The following FSHR variants were observed in gnomAD, a reference collection of about 807,000 sequenced individuals.
The protein encoded by FSHR is follicle-stimulating hormone receptor.
Under a neutral mutation model 52.1 loss-of-function variants are expected in FSHR, and 46 were observed. The observed-to-expected ratio is 0.88, with a 90% CI of 0.70 to 1.13. The LOEUF (loss-of-function observed/expected upper bound fraction) is 1.13, where lower values mean the gene tolerates loss of function less well. Among genes scored for constraint, FSHR ranks in the 50% most tolerant of loss-of-function variants. The pLI is 0.00. For synonymous variants in FSHR, 399 were observed against 309.6 expected (o/e 1.29, Z -3.03); for missense variants, 964 against 834.6 (o/e 1.16, Z -1.91).
chr2:49,004,229 C>T (rs1372889815), intron 4 of FSHR, among the ~76,000 whole-genome samples: 4 of 152,180 alleles, frequency 2.6e-5, no homozygotes, highest in Non-Finnish European at 5.9e-5. Context: ...TGGTTGTTCT[C>T]ATTTGTCAGG....
rs554843887 is a variant in FSHR, at chr2:49,075,632, C to CT, written c.153-7343dup. ...AGAACTCTACAATTTTATAACATTA[C>CT]TTTTTTTTTTCTTTTGAGACAGTCT... On this transcript the variant is annotated intron_variant, in intron 1 of 9. Coordinates refer to ENST00000406846, the MANE Select transcript of FSHR (RefSeq NM_000145.4). Among the ~76,000 whole-genome samples, 102 of 149,818 alleles carry CT rather than the reference C, an allele frequency of 6.8e-4. 2 individuals are homozygous for CT. Among genetic ancestry groups the CT allele is most frequent in the South Asian group, 3.0e-3 (14 of 4,724 alleles).
intron 1 of FSHR, among the ~76,000 whole-genome samples, chr2:49,069,680 T>G (rs1669658072): frequency 6.6e-6 from 1 of 152,146 alleles, no homozygotes; most frequent in Non-Finnish European, 1.5e-5. Flanking sequence ...TATTGAGCCC[T>G]CTGAAAATTC....
chr2:49,111,529 C>T (rs2103753659), intron 1 of FSHR, among the ~76,000 whole-genome samples: 1 of 152,210 alleles, frequency 6.6e-6, no homozygotes, highest in African/African-American at 2.4e-5. Flanking sequence ...GTGATTTGTT[C>T]CTCTGTTCAG....
intron 1 of FSHR, among the ~76,000 whole-genome samples, chr2:49,073,858 A>G (rs914298746): frequency 4.6e-5 from 7 of 152,104 alleles, no homozygotes; most frequent in African/African-American, 1.7e-4. Flanking sequence ...CCAGAAGAAC[A>G]GACTAGAGAA....
intron 5 of FSHR, 144 bp from the exon 6 acceptor site, chr2:48,989,198 C>A: frequency 3.2e-6 from 2 of 622,686 alleles, no homozygotes; most frequent in Admixed American, 2.6e-5. Flanking sequence ...ATGATCAGCT[C>A]AAAGTTTGGA....
rs567594767 is a variant in FSHR, at chr2:48,997,169, GT to G, written c.375-6533del. ...TCTAGCTTCTGGATAACACCAAACAGTTCACTTACCTTTTCAGAGTCTCAGT... is the reference window on the plus strand; with the variant it reads ...TCTAGCTTCTGGATAACACCAAACAGTCACTTACCTTTTCAGAGTCTCAGT... On this transcript the variant is annotated intron_variant, in intron 4 of 9. Coordinates refer to ENST00000406846, the MANE Select transcript of FSHR (RefSeq NM_000145.4). 342 of 954,040 alleles carry G rather than the reference GT, an allele frequency of 3.6e-4. 1 individual carries two copies. The African/African-American group carries it at 5.6e-3, about 16-fold the overall frequency. 59.1% of individuals were successfully genotyped at this position (954,040 alleles called of 1,614,324 possible). A position where few individuals can be genotyped will look rare whatever the true frequency, so the allele number is the denominator to read the frequency against.
At chr2:49,130,595 A>G (rs1222103286) in intron 1 of FSHR, among the ~76,000 whole-genome samples, 1 of 152,224 alleles carries the variant, frequency 6.6e-6, no homozygotes, top group Non-Finnish European at 1.5e-5. Flanking sequence ...GAGGTTTAAG[A>G]CATGCATAAC....
chr2:49,046,445 G>A (rs570689895), intron 2 of FSHR, among the ~76,000 whole-genome samples: 2 of 152,192 alleles, frequency 1.3e-5, no homozygotes, highest in African/African-American at 4.8e-5. Flanking sequence ...TGTGCTGATG[G>A]GCAAGTCACA....
At chr2:49,070,500 GATA>G (rs1669689705) in intron 1 of FSHR, among the ~76,000 whole-genome samples, 1 of 151,998 alleles carries the variant, frequency 6.6e-6, no homozygotes, top group African/African-American at 2.4e-5. Context: ...AATAAATGAA[GATA>G]ATAAAATTGT....
Position 48,964,974 on chromosome 2 carries a change from G to A in FSHR, c.855-1008C>T, listed in dbSNP as rs150387136. 1.2e-3 allele frequency among the ~76,000 whole-genome samples: 171 copies of A among 145,330 alleles called. 1 individual carries two copies. The highest frequency in any genetic ancestry group is 4.2e-3 in the African/African-American group (163 of 38,730). On this transcript the variant is annotated intron_variant, in intron 9 of 9. Transcript: ENST00000406846. ...CTTGTGGAATGGGAATAAGCCTTAC[G>A]TTAGGACCTTTTTGGATGCAAAAAA...
At chr2:49,026,383 C>T (rs935216308) in intron 2 of FSHR, among the ~76,000 whole-genome samples, 4 of 152,156 alleles carry the variant, frequency 2.6e-5, no homozygotes, top group Admixed American at 2.6e-4. Context: ...ACTTACGTGT[C>T]AGGCAACTTT....
intron 8 of FSHR, among the ~76,000 whole-genome samples, chr2:48,973,281 A>C (rs35292210): frequency 0.7 from 97,019 of 137,730 alleles, 31,690 homozygotes; most frequent in East Asian, 0.82. Context: ...TGCACATGCA[A>C]ATGCACATGC....
intron 1 of FSHR, among the ~76,000 whole-genome samples, chr2:49,103,403 A>C (rs1671104850): frequency 6.6e-6 from 1 of 152,216 alleles, no homozygotes; most frequent in Admixed American, 6.5e-5. Flanking sequence ...ATTTAGAAAC[A>C]AACGTAAGGC....
chr2:49,063,714 A>G (rs989995919), intron 2 of FSHR, among the ~76,000 whole-genome samples: 9 of 152,134 alleles, frequency 5.9e-5, no homozygotes, highest in Non-Finnish European at 1.3e-4. Context: ...TAATAGATAT[A>G]AAAGTACAGC....
Position 48,963,346 on chromosome 2 carries a change from A to G in FSHR, c.1475T>C (p.Met492Thr), listed in dbSNP as rs150549219. 1 of 1,614,080 alleles carries G rather than the reference A, an allele frequency of 6.2e-7. No homozygotes were observed. Among genetic ancestry groups the G allele is most frequent in the Non-Finnish European group, 8.5e-7 (1 of 1,179,972 alleles). ...AGCTGCAAAAGCAAAAATCCAGCCCATCACCATGACACTGGCAGCATGGCG... is the reference window on the plus strand; with the variant it reads ...AGCTGCAAAAGCAAAAATCCAGCCCGTCACCATGACACTGGCAGCATGGCG... Reference protein sequence around the residue: ...QLRHAASVMVMGWIFAFAAAL... With the variant: ...QLRHAASVMVTGWIFAFAAAL... The change falls in exon 10 of 10, where the codon ATG (methionine) becomes ACG (threonine). Residue 492 changes from methionine to threonine, a missense_variant. Coordinates refer to ENST00000406846, the MANE Select transcript of FSHR (RefSeq NM_000145.4).
At chr2:49,110,927 T>G (rs947723846) in intron 1 of FSHR, among the ~76,000 whole-genome samples, 1 of 152,190 alleles carries the variant, frequency 6.6e-6, no homozygotes, top group African/African-American at 2.4e-5. Context: ...GACTGATTCT[T>G]ACAGCAGCTA....
intron 1 of FSHR, among the ~76,000 whole-genome samples, chr2:49,127,480 T>A (rs1414784000): frequency 6.6e-6 from 1 of 151,932 alleles, no homozygotes; most frequent in Non-Finnish European, 1.5e-5. Context: ...TCTTTCCTTC[T>A]TCTGAAATAC....
intron 1 of FSHR, among the ~76,000 whole-genome samples, chr2:49,153,398 T>C (rs960184717): frequency 6.6e-6 from 1 of 151,842 alleles, no homozygotes; most frequent in Admixed American, 6.6e-5. Context: ...ACTGTTGCTC[T>C]AATGGAGTCA....
At chr2:49,065,603 G>A (rs1669473654) in intron 2 of FSHR, among the ~76,000 whole-genome samples, 1 of 152,062 alleles carries the variant, frequency 6.6e-6, no homozygotes, top group Admixed American at 6.6e-5. Flanking sequence ...CCAGGTATTT[G>A]CAGTTCACTC....
Sources: allele counts gnomAD v4.1 joint callset (sites outside exome capture counted in the v4.1 genomes callset), GRCh38; gene constraint gnomAD v4.1.1; transcripts MANE v1.5; gene names NCBI Gene and HGNC (gene_info 2026-07-23, HGNC 2026-07-21).